Variants in CNGB1 observed in about 807,000 individuals in gnomAD.
The protein encoded by CNGB1 is cyclic nucleotide gated channel subunit beta 1.
Under a neutral mutation model 151.7 loss-of-function variants are expected in CNGB1, and 126 were observed. The ratio of observed to expected loss-of-function variants is 0.83; its 90% CI spans 0.72 to 0.96. CNGB1 has a LOEUF of 0.96. Among genes scored for constraint, CNGB1 ranks in the 40% least tolerant of loss-of-function variants. The pLI, the probability that CNGB1 is intolerant of heterozygous loss-of-function variation, is 0.00. For synonymous variants in CNGB1, 623 were observed against 635.1 expected, an observed-to-expected ratio of 0.98 and a Z score of 0.29; for missense variants, 1,698 against 1,627.0, an observed-to-expected ratio of 1.04 and a Z score of -0.75.
Position 57,887,980 on chromosome 16 carries a change from G to C in CNGB1, c.3337C>G (p.Leu1113Val). ...CCACCCATCTTTCCTGTCATAGCGA[G>C]GGCAGCGTTGAAGAGCTTTGGGGTG... ...AGTPKLFNAA[L>V]AMTGKMGGKG... is the part of the protein sequence containing the mutation. The change falls in exon 32 of 33, where the codon CTC becomes GTC. Residue 1113 changes from leucine (L) to valine (V), a missense_variant. Transcript: ENST00000251102. 6.2e-7 allele frequency: 1 copy of C among 1,614,200 alleles called. No homozygotes were observed. The highest frequency in any genetic ancestry group is 1.1e-5 in the South Asian group (1 of 91,082).
rs750570422 is a variant in CNGB1 at position 57,949,359 on chromosome 16, ACCTCCTCCTCTTCCTCCT to A, written c.1097_1114del (p.Glu366_Glu371del). ...AGGTGAGCAAATGACTTACTCAGTCACCTCCTCCTCTTCCTCCTCCTCCTCCTCTTCCTCTTCCTCCTC... is the reference window on the plus strand; with the variant it reads ...AGGTGAGCAAATGACTTACTCAGTCACCTCCTCCTCTTCCTCTTCCTCCTC... On this transcript the variant is annotated inframe_deletion, in exon 14 of 33. Transcript: ENST00000251102. 16 of 1,609,664 alleles carry A rather than the reference ACCTCCTCCTCTTCCTCCT, an allele frequency of 9.9e-6. No individual in the cohort carries two copies. The East Asian group carries it at 1.6e-4, about 16-fold the overall frequency.
intron 24 of CNGB1, among the ~76,000 whole-genome samples, chr16:57,912,719 G>A (rs1213593378): frequency 6.6e-6 from 1 of 151,320 alleles, no homozygotes; most frequent in African/African-American, 2.4e-5. Flanking sequence ...GTGCACGTAT[G>A]TATGTGTTGT....
At chr16:57,958,791 T>C (rs1962158224) in intron 10 of CNGB1, among the ~76,000 whole-genome samples, 1 of 149,532 alleles carries the variant, frequency 6.7e-6, no homozygotes, top group African/African-American at 2.4e-5. Flanking sequence ...CCGATTTCCT[T>C]CCCTCCTTCC....
chr16:57,920,884 T>C (rs1961013154), intron 18 of CNGB1, among the ~76,000 whole-genome samples: 1 of 152,238 alleles, frequency 6.6e-6, no homozygotes, highest in Non-Finnish European at 1.5e-5. Flanking sequence ...AATTGGGCTG[T>C]TCATCCCAGT....
intron 16 of CNGB1, among the ~76,000 whole-genome samples, chr16:57,937,901 A>C (rs2149375192): frequency 6.6e-6 from 1 of 152,346 alleles, no homozygotes; most frequent in East Asian, 1.9e-4. Flanking sequence ...GGCAGCAGGA[A>C]TTTTTAAATC....
intron 1 of CNGB1, among the ~76,000 whole-genome samples, chr16:57,968,240 A>G (rs1055290133): frequency 2.0e-5 from 3 of 152,134 alleles, no homozygotes; most frequent in Non-Finnish European, 1.5e-5. Flanking sequence ...GCTCACACCT[A>G]TAATCCCAGC....
At position 57,963,113 on chromosome 16, in the gene CNGB1, T is replaced by A. The variant is rs763945443; in HGVS notation, c.291-49A>T. On this transcript the variant is annotated intron_variant, in intron 4 of 32. Coordinates refer to ENST00000251102, the MANE Select transcript of CNGB1 (RefSeq NM_001297.5). ...CCGCCCTCAACTTCCCCTAGCTCAA[T>A]GAGGCCCTCGAGGCCCAAGACACTA... is the stretch of plus-strand genomic sequence containing the variant. 3 of 1,418,684 alleles carry A rather than the reference T, an allele frequency of 2.1e-6. No homozygotes were observed. In the South Asian group the frequency reaches 3.4e-5, roughly 16 times the overall value. 87.9% of individuals were successfully genotyped at this position (1,418,684 alleles called of 1,614,324 possible).
rs1960389174 is a variant in CNGB1, at chr16:57,901,545, T to C, written c.2875A>G (p.Lys959Glu). ...AIDVNYNIVSKVALFQGCDRQ... is the reference protein window; with the variant it reads ...AIDVNYNIVSEVALFQGCDRQ... ...AGGTGTACCTGAAAGAGTGCGACTT[T>C]GCTAACGATGTTGTAGTTCACGTCG... is the stretch of plus-strand genomic sequence containing the variant. The change falls in exon 28 of 33, where the codon AAA becomes GAA. Residue 959 changes from lysine (K) to glutamate (E), a missense_variant. Lys to Glu is a moderately conservative substitution (Grantham distance 56). Coordinates refer to ENST00000251102, the MANE Select transcript of CNGB1 (RefSeq NM_001297.5). The C allele has an allele frequency of 1.9e-6, 3 of 1,614,036 alleles. No homozygotes were observed. Among genetic ancestry groups the C allele is most frequent in the African/African-American group, 1.3e-5 (1 of 74,906 alleles).
At chr16:57,940,180 T>G in intron 15 of CNGB1, 54 bp downstream of exon 15, 3 of 1,496,110 alleles carry the variant, frequency 2.0e-6, no homozygotes, top group Non-Finnish European at 2.7e-6. Flanking sequence ...TCCCCATCCT[T>G]CCACCAATGC....
At chr16:57,907,034 A>C (rs1357764136) in intron 25 of CNGB1, among the ~76,000 whole-genome samples, 1 of 152,232 alleles carries the variant, frequency 6.6e-6, no homozygotes, top group African/African-American at 2.4e-5. Context: ...GAATTTCTTA[A>C]GAATCCTCCT....
chr16:57,962,084 C>T (rs1962272320), intron 7 of CNGB1, among the ~76,000 whole-genome samples: 1 of 152,178 alleles, frequency 6.6e-6, no homozygotes, highest in Non-Finnish European at 1.5e-5. Context: ...AAGCAGGGCC[C>T]CTTCTCGGAG....
At chr16:57,961,005 T>G in intron 7 of CNGB1, 90 bp from the exon 8 acceptor site, 1 of 1,154,668 alleles carries the variant, frequency 8.7e-7, no homozygotes, top group Non-Finnish European at 1.3e-6. Flanking sequence ...CAACCAGCCA[T>G]TCCGTGCCCT....
intron 31 of CNGB1, among the ~76,000 whole-genome samples, chr16:57,890,706 T>A (rs2149352905): frequency 6.6e-6 from 1 of 152,222 alleles, no homozygotes; most frequent in South Asian, 2.1e-4. Context: ...GGGACCCAGG[T>A]CCCCCATCTG....
Position 57,916,112 on chromosome 16 carries a change from G to A in CNGB1, c.2217+17C>T, listed in dbSNP as rs757814029. 3.1e-6 allele frequency: 5 copies of A among 1,613,668 alleles called. No individual in the cohort carries two copies. In the Admixed American group the frequency reaches 8.3e-5, roughly 27 times the overall value. Reference sequence around the variant, plus strand: ...TGAAACCCCGCAGACGCTAAACCTTGCATGCCCGGCACACACCTTGAAGCG... The same window carrying A: ...TGAAACCCCGCAGACGCTAAACCTTACATGCCCGGCACACACCTTGAAGCG... On this transcript the variant is annotated intron_variant, in intron 22 of 32. Coordinates refer to ENST00000251102, the MANE Select transcript of CNGB1 (RefSeq NM_001297.5).
At chr16:57,893,919 A>C (rs1451332487) in intron 31 of CNGB1, among the ~76,000 whole-genome samples, 1 of 152,138 alleles carries the variant, frequency 6.6e-6, no homozygotes, top group Non-Finnish European at 1.5e-5. Flanking sequence ...CACAGCCAGC[A>C]CCTCACATGG....
chr16:57,935,750 C>T (rs1463388872), intron 16 of CNGB1, among the ~76,000 whole-genome samples: 1 of 137,950 alleles, frequency 7.2e-6, no homozygotes, highest in Non-Finnish European at 1.5e-5. Flanking sequence ...GCTTTGTTTC[C>T]TTTTTCTTTT....
Position 57,906,047 on chromosome 16 carries a change from G to A in CNGB1, c.2493-1172C>T, listed in dbSNP as rs575804123. ...AGCCCTCCCCTGGGTCAGCAAAGGT[G>A]AGGTCAGAAGGGCCTAGACACTGGG... On this transcript the variant is annotated intron_variant, in intron 25 of 32. Transcript: ENST00000251102. 3.3e-5 allele frequency among the ~76,000 whole-genome samples: 5 copies of A among 152,338 alleles called. No individual in the cohort carries two copies. In the East Asian group the frequency reaches 9.6e-4, roughly 29 times the overall value.
Position 57,934,069 on chromosome 16 carries a change from C to CT in CNGB1, c.1373-2192dup, listed in dbSNP as rs200153046. 2.2e-3 allele frequency among the ~76,000 whole-genome samples: 331 copies of CT among 152,236 alleles called. 3 individuals are homozygous for CT. Among genetic ancestry groups the CT allele is most frequent in the East Asian group, 0.02 (105 of 5,192 alleles). On this transcript the variant is annotated intron_variant, in intron 16 of 32. Coordinates refer to ENST00000251102, the MANE Select transcript of CNGB1 (RefSeq NM_001297.5). ...GGCCTTTATAAGAAAAGCCGGCACT[C>CT]TGTTAAATTGCTTACACTTACTCTA...
At chr16:57,964,566 A>G (rs1962344428) in intron 2 of CNGB1, 22 bp from the exon 3 acceptor site, 2 of 1,605,566 alleles carry the variant, frequency 1.2e-6, no homozygotes, top group African/African-American at 1.3e-5. Flanking sequence ...GAACAGGATC[A>G]TGTAAGTCCT....
Sources: gnomAD v4.1 joint callset for allele counts (sites outside exome capture counted in the v4.1 genomes callset) on GRCh38, gnomAD v4.1.1 for gene constraint, MANE v1.5 for transcripts, NCBI Gene and HGNC (gene_info 2026-07-23, HGNC 2026-07-21) for gene names.